KIF21A: variants seen among roughly 807,000 people sequenced by gnomAD.
KIF21A encodes the protein kinesin-like protein KIF21A.
In KIF21A, 114 loss-of-function variants were observed where a neutral mutation model predicts 202.9. The observed-to-expected ratio is 0.56, with a 90% CI of 0.48 to 0.66. KIF21A has a LOEUF of 0.66. Ranked by LOEUF, KIF21A falls within the 30% of genes least tolerant of loss-of-function variation. The pLI, the probability that KIF21A is intolerant of heterozygous loss-of-function variation, is 0.00. For synonymous variants in KIF21A, 667 were observed against 670.8 expected (o/e 0.99, Z 0.09); for missense variants, 1,677 against 1,994.9 (o/e 0.84, Z 3.04).
At chr12:39,384,443 C>G (rs1950811217) in intron 1 of KIF21A, among the ~76,000 whole-genome samples, 1 of 152,192 alleles carries the variant, frequency 6.6e-6, no homozygotes, top group Non-Finnish European at 1.5e-5. Flanking sequence ...GAAGCTGAAA[C>G]TTGTAGACCC....
Position 39,367,974 on chromosome 12 carries a change from C to G in KIF21A, c.509G>C (p.Ser170Thr), listed in dbSNP as rs764421420. 6.2e-7 allele frequency: 1 copy of G among 1,605,074 alleles called. No individual in the cohort carries two copies. The highest frequency in any genetic ancestry group is 1.1e-5 in the South Asian group (1 of 90,864). ...FDTTRDIDAK[S>T]KKSNIRIHED... ...ATGAATTCTTATATTTGATTTTTTA[C>G]TTTTTGCATCAATATCACGAGTGGT... is the stretch of plus-strand genomic sequence containing the variant. The change falls in exon 4 of 38, where the codon AGT (serine) becomes ACT (threonine). Residue 170 changes from serine (S) to threonine (T), a missense_variant. By Grantham distance (58) the Ser-to-Thr change is moderately conservative. Coordinates refer to ENST00000361418, the MANE Select transcript of KIF21A (RefSeq NM_001173464.2).
intron 37 of KIF21A, among the ~76,000 whole-genome samples, chr12:39,297,820 A>G (rs950701543): frequency 3.3e-5 from 5 of 150,772 alleles, no homozygotes; most frequent in African/African-American, 1.2e-4. Context: ...ACACACATAT[A>G]CCATTTTATT....
Position 39,351,873 on chromosome 12 carries a change from G to T in KIF21A, c.1577C>A (p.Thr526Asn). Residue 526 changes from threonine (T) to asparagine (N), a missense_variant, in exon 11 of 38, where the codon ACC (threonine) becomes AAC (asparagine). Thr to Asn is a moderately conservative substitution (Grantham distance 65, BLOSUM62 0). Coordinates refer to ENST00000361418, the MANE Select transcript of KIF21A (RefSeq NM_001173464.2). ...YFSGSSTFSP[T>N]ILSSDKETIE... Reference sequence around the variant, plus strand: ...GGTTTCTTTGTCTGAGGATAGTATGGTAGGAGAAAAAGTTGATGATCCGCT... The same window carrying T: ...GGTTTCTTTGTCTGAGGATAGTATGTTAGGAGAAAAAGTTGATGATCCGCT... The T allele has an allele frequency of 1.9e-6, 3 of 1,611,664 alleles. No homozygotes were observed. The highest frequency in any genetic ancestry group is 2.5e-6 in the Non-Finnish European group (3 of 1,178,050).
At chr12:39,430,896 T>C (rs551664629) in intron 1 of KIF21A, among the ~76,000 whole-genome samples, 4 of 152,278 alleles carry the variant, frequency 2.6e-5, no homozygotes, top group Admixed American at 2.0e-4. Context: ...ACCCTCCCTC[T>C]TGCCATGTGA....
intron 1 of KIF21A, among the ~76,000 whole-genome samples, chr12:39,380,947 A>T (rs1399481296): frequency 6.6e-6 from 1 of 152,084 alleles, no homozygotes; most frequent in Non-Finnish European, 1.5e-5. Flanking sequence ...TTCTAAATGT[A>T]CATATGTTCT....
chr12:39,439,669 T>C (rs1939292040), intron 1 of KIF21A, among the ~76,000 whole-genome samples: 1 of 152,210 alleles, frequency 6.6e-6, no homozygotes, highest in Non-Finnish European at 1.5e-5. Context: ...TTAATCATAA[T>C]TCAAGCGCTT....
chr12:39,316,270 T>C (rs1381879847), intron 29 of KIF21A, among the ~76,000 whole-genome samples: 1 of 152,164 alleles, frequency 6.6e-6, no homozygotes, highest in Non-Finnish European at 1.5e-5. Flanking sequence ...TAGTATCAAG[T>C]ACATGAGATA....
At chr12:39,316,535 C>G (rs568797112) in intron 29 of KIF21A, among the ~76,000 whole-genome samples, 1 of 152,210 alleles carries the variant, frequency 6.6e-6, no homozygotes, top group African/African-American at 2.4e-5. Flanking sequence ...AGCTGGGGTA[C>G]TTTAGTGGGC....
chr12:39,347,246 A>G (rs892513788), intron 11 of KIF21A, among the ~76,000 whole-genome samples: 41 of 151,284 alleles, frequency 2.7e-4, no homozygotes, highest in Non-Finnish European at 3.4e-4. Context: ...CAAAAAAAAA[A>G]GGGGGGTGGG....
chr12:39,399,898 A>C (rs985364835), intron 1 of KIF21A, among the ~76,000 whole-genome samples: 43 of 152,236 alleles, frequency 2.8e-4, no homozygotes, highest in African/African-American at 9.6e-4. Flanking sequence ...ATATATTTTT[A>C]TGTGACTCCA....
chr12:39,297,873 T>A (rs58425933), intron 37 of KIF21A, among the ~76,000 whole-genome samples: 16,878 of 147,790 alleles, frequency 0.11, 2,287 homozygotes, highest in African/African-American at 0.33. Flanking sequence ...TAATAATAAT[T>A]ATTATTATTA....
chr12:39,378,547 G>A (rs929597231), intron 1 of KIF21A, among the ~76,000 whole-genome samples: 1 of 152,106 alleles, frequency 6.6e-6, no homozygotes, highest in Admixed American at 6.5e-5. Context: ...TACTTCAAAT[G>A]ACAACAGGAA....
chr12:39,359,560 A>C (rs1335299008), intron 7 of KIF21A, among the ~76,000 whole-genome samples: 1 of 152,218 alleles, frequency 6.6e-6, no homozygotes, highest in Non-Finnish European at 1.5e-5. Context: ...ACTGGGGGTC[A>C]GAAAGTTAAA....
In KIF21A at chr12:39,333,030, A is replaced by C; in HGVS notation, c.2565T>G (p.Ser855=). The change falls in exon 19 of 38, where the codon TCT becomes TCG. Residue 855 remains serine (S), a synonymous_variant. Coordinates refer to ENST00000361418, the MANE Select transcript of KIF21A (RefSeq NM_001173464.2). ...AGKVTRKLSS[S]DAPAQDTGSS... ...AACCTGTGTCCTGAGCAGGTGCATC[A>C]GATGAACTCAGCTTCCGAGTAACTT... is the stretch of plus-strand genomic sequence containing the variant. 4 of 1,614,140 alleles carry C rather than the reference A, an allele frequency of 2.5e-6. 1 individual carries two copies. The South Asian group carries it at 4.4e-5, about 18-fold the overall frequency.
rs754766081 is a variant in KIF21A, at chr12:39,294,077, G to A, written c.*347C>T. On this transcript the variant is annotated 3_prime_UTR_variant, in exon 38 of 38. Transcript: ENST00000361418. Reference sequence around the variant, plus strand: ...GAATGAGTTAATGGTGGGCTGCATCGTATTCCAGGTGTGTTTTCTGACTGT... The same window carrying A: ...GAATGAGTTAATGGTGGGCTGCATCATATTCCAGGTGTGTTTTCTGACTGT... The A allele has an allele frequency of 2.1e-5, 5 of 243,846 alleles. No individual in the cohort carries two copies. The highest frequency in any genetic ancestry group is 5.2e-5 in the Admixed American group (1 of 19,218). 15.1% of individuals were successfully genotyped at this position (243,846 alleles called of 1,614,324 possible).
chr12:39,300,663 C>G (rs1431785776), intron 37 of KIF21A, among the ~76,000 whole-genome samples: 3 of 152,074 alleles, frequency 2.0e-5, no homozygotes, highest in Non-Finnish European at 4.4e-5. Context: ...TTATATAATA[C>G]ATACACTTTC....
intron 1 of KIF21A, among the ~76,000 whole-genome samples, chr12:39,434,165 T>C (rs1938352161): frequency 6.6e-6 from 1 of 152,202 alleles, no homozygotes; most frequent in South Asian, 2.1e-4. Context: ...CAGGCCTGCA[T>C]CTGGCACGGT....
intron 1 of KIF21A, among the ~76,000 whole-genome samples, chr12:39,411,739 G>A (rs1303767114): frequency 6.6e-6 from 1 of 152,056 alleles, no homozygotes; most frequent in Non-Finnish European, 1.5e-5. Context: ...GTTTTGCTAT[G>A]TTGCTCAGGC....
chr12:39,331,861 T>A, intron 21 of KIF21A, 70 bp from the exon 22 acceptor site: 1 of 1,152,936 alleles, frequency 8.7e-7, no homozygotes, highest in Non-Finnish European at 1.3e-6. Flanking sequence ...GCCTATTGTT[T>A]CACATATTTA....
Sources: gnomAD v4.1 joint callset for allele counts (sites outside exome capture counted in the v4.1 genomes callset) on GRCh38, gnomAD v4.1.1 for gene constraint, MANE v1.5 for transcripts, NCBI Gene and HGNC (gene_info 2026-07-23, HGNC 2026-07-21) for gene names.